Variants in TOM1L1 observed in about 807,000 individuals in gnomAD.
TOM1L1 encodes the protein TOM1-like protein 1.
A neutral mutation model predicts 63.4 loss-of-function variants in TOM1L1; 64 were observed. The observed-to-expected ratio is 1.01, with a 90% CI of 0.83 to 1.24. TOM1L1 has a LOEUF of 1.24. Ranked by LOEUF, TOM1L1 falls within the 50% of genes most tolerant of loss-of-function variation. TOM1L1 has a pLI of 0.00. For synonymous variants in TOM1L1, 166 were observed against 194.4 expected (o/e 0.85, Z 1.22); for missense variants, 536 against 567.0 (o/e 0.95, Z 0.55).
At chr17:54,931,949 G>GTTTTTTTTT (rs10632110) in intron 8 of TOM1L1, among the ~76,000 whole-genome samples, 28 of 121,520 alleles carry the variant, frequency 2.3e-4, no homozygotes, top group African/African-American at 8.7e-4. Context: ...TTTTTTCTTC[G>GTTTTTTTTT]TTTTTTTTTT....
chr17:54,944,030 T>C (rs1015165083), intron 11 of TOM1L1, among the ~76,000 whole-genome samples: 5 of 152,016 alleles, frequency 3.3e-5, no homozygotes, highest in African/African-American at 9.7e-5. Flanking sequence ...AAAAACCTTA[T>C]CACCATATAG....
intron 14 of TOM1L1, among the ~76,000 whole-genome samples, chr17:54,960,129 G>A (rs963555531): frequency 2.0e-5 from 3 of 152,100 alleles, no homozygotes; most frequent in African/African-American, 7.2e-5. Context: ...TTGGGAGGCC[G>A]AGGCGGGTGG....
At chr17:54,910,598 G>A (rs890085584) in intron 3 of TOM1L1, among the ~76,000 whole-genome samples, 2 of 152,192 alleles carry the variant, frequency 1.3e-5, no homozygotes. Context: ...CATTGAGCTA[G>A]AAGCACTTTT....
chr17:54,902,118 G>A (rs973174067), intron 1 of TOM1L1, among the ~76,000 whole-genome samples: 4 of 152,130 alleles, frequency 2.6e-5, no homozygotes, highest in African/African-American at 4.8e-5. Context: ...TAGAGAAGAC[G>A]GGCACAGTTT....
intron 10 of TOM1L1, chr17:54,938,159 A>AG (rs1014412679): frequency 2.6e-5 from 4 of 152,146 alleles, no homozygotes; most frequent in Non-Finnish European, 4.4e-5. Flanking sequence ...GAATTTTCAG[A>AG]GGGGGAGGGA....
At chr17:54,918,684 A>G (rs2048631979) in intron 7 of TOM1L1, among the ~76,000 whole-genome samples, 1 of 152,194 alleles carries the variant, frequency 6.6e-6, no homozygotes, top group African/African-American at 2.4e-5. Context: ...GACTCTAGAA[A>G]ACAACTTAAG....
intron 1 of TOM1L1, among the ~76,000 whole-genome samples, chr17:54,902,220 T>C (rs2048338150): frequency 6.6e-6 from 1 of 152,082 alleles, no homozygotes; most frequent in Non-Finnish European, 1.5e-5. Flanking sequence ...GAAGGGTGAA[T>C]AGGAGTTTTC....
chr17:54,936,766 A>G, intron 9 of TOM1L1, 57 bp downstream of exon 9: 3 of 1,469,830 alleles, frequency 2.0e-6, no homozygotes, highest in Non-Finnish European at 2.8e-6. Context: ...AATTACAGTG[A>G]GAAGCAAGGC....
chr17:54,917,915 A>T (rs2048618355), intron 7 of TOM1L1, among the ~76,000 whole-genome samples: 1 of 152,244 alleles, frequency 6.6e-6, no homozygotes, highest in Non-Finnish European at 1.5e-5. Context: ...CCTAGAAATA[A>T]TACCCTATCC....
chr17:54,926,746 T>A (rs2048775856), intron 7 of TOM1L1, among the ~76,000 whole-genome samples: 2 of 152,248 alleles, frequency 1.3e-5, no homozygotes, highest in Admixed American at 6.5e-5. Flanking sequence ...TAGAAAGGAC[T>A]GTCAGCATCT....
In TOM1L1 at chr17:54,912,666, C is replaced by T. The variant is rs749741346; in HGVS notation, c.223C>T (p.Leu75Phe). ...ATGTTTAATTTTTTTTCTAATTTAG[C>T]TTATTGACATGTGTGTGCAGAACTG... ...NHKEIQLTLS[L>F]IDMCVQNCGP... is the part of the protein sequence containing the mutation. The change falls in exon 4 of 16, where the codon CTT becomes TTT. Residue 75 changes from leucine (L) to phenylalanine (F), a missense_variant and splice_region_variant. Leu to Phe is a conservative substitution (Grantham distance 22, BLOSUM62 0). Transcript: ENST00000575882. 2.6e-6 allele frequency: 4 copies of T among 1,527,488 alleles called. No homozygotes were observed. Among genetic ancestry groups the T allele is most frequent in the South Asian group, 2.6e-5 (2 of 75,906 alleles). The allele number at this position is 1,527,488 out of a possible 1,614,324, so 94.6% of individuals were successfully genotyped here.
intron 15 of TOM1L1, 26 bp from the exon 16 acceptor site, chr17:54,961,209 T>C (rs2077116049): frequency 4.3e-6 from 6 of 1,408,290 alleles, no homozygotes; most frequent in Middle Eastern, 1.7e-4. Context: ...GGATGAATAC[T>C]GGCCATTTTC....
Position 54,912,834 on chromosome 17 carries a change from T to A in TOM1L1, c.372+19T>A. ...CATTAAGGTAAGTCTGTTGTATACC[T>A]CATGGGATGGTAAATTTCTAAGATT... On this transcript the variant is annotated intron_variant, in intron 4 of 15. Coordinates refer to ENST00000575882, the MANE Select transcript of TOM1L1 (RefSeq NM_005486.3). The A allele has an allele frequency of 6.5e-7, 1 of 1,529,782 alleles. No individual in the cohort carries two copies. The highest frequency in any genetic ancestry group is 8.7e-7 in the Non-Finnish European group (1 of 1,145,228). The allele number at this position is 1,529,782 out of a possible 1,614,324, so 94.8% of individuals were successfully genotyped here.
intron 8 of TOM1L1, among the ~76,000 whole-genome samples, chr17:54,930,582 G>T (rs1472994745): frequency 1.3e-5 from 2 of 152,114 alleles, no homozygotes; most frequent in African/African-American, 2.4e-5. Context: ...GCTCACACCT[G>T]TATCCCCAGC....
At chr17:54,957,652 CA>C (rs2076978843) in intron 14 of TOM1L1, 4 of 152,110 alleles carry the variant, frequency 2.6e-5, no homozygotes. Context: ...GACTTCCCTC[CA>C]AGGAAAAGCA....
chr17:54,945,659 G>A (rs1412466993), intron 11 of TOM1L1, among the ~76,000 whole-genome samples: 1 of 147,394 alleles, frequency 6.8e-6, no homozygotes, highest in Non-Finnish European at 1.5e-5. Flanking sequence ...TTGCTATTGA[G>A]CTCATTCTGT....
intron 5 of TOM1L1, 127 bp downstream of exon 5, chr17:54,914,000 C>A: frequency 9.2e-7 from 1 of 1,091,718 alleles, no homozygotes; most frequent in South Asian, 1.8e-5. Flanking sequence ...AAGGATATTG[C>A]AATATCTCAT....
intron 11 of TOM1L1, 69 bp downstream of exon 11, chr17:54,939,089 G>A: frequency 1.8e-6 from 2 of 1,104,762 alleles, no homozygotes; most frequent in South Asian, 2.9e-5. Flanking sequence ...AAGAAAACCT[G>A]ATGGCTGGGC....
At chr17:54,958,748 A>AAAAAAAAAATG (rs372776781) in intron 14 of TOM1L1, among the ~76,000 whole-genome samples, 1 of 118,928 alleles carries the variant, frequency 8.4e-6, no homozygotes, top group Non-Finnish European at 1.7e-5. Context: ...AAAAAAAAAA[A>AAAAAAAAAATG]GGGGTTGTTG....
Sources: gnomAD v4.1 joint callset for allele counts (sites outside exome capture counted in the v4.1 genomes callset) on GRCh38, gnomAD v4.1.1 for gene constraint, MANE v1.5 for transcripts, NCBI Gene and HGNC (gene_info 2026-07-23, HGNC 2026-07-21) for gene names.